The following ANKRD20A1 variants were observed in gnomAD, a reference collection of about 807,000 sequenced individuals.
ANKRD20A1 encodes the protein ankyrin repeat domain-containing protein 20A1.
In ANKRD20A1, 2 loss-of-function variants were observed where a neutral mutation model predicts 50.9. The observed-to-expected ratio is 0.04, with a 90% CI of 0.02 to 0.12. The LOEUF (loss-of-function observed/expected upper bound fraction) is 0.12, where lower values mean the gene tolerates loss of function less well. Among genes scored for constraint, ANKRD20A1 ranks in the 10% least tolerant of loss-of-function variants. The pLI is 1.00. For missense variants in ANKRD20A1, 31 were observed against 548.1 expected, an observed-to-expected ratio of 0.06 and a Z score of 9.42; for synonymous variants, 10 against 186.2, an observed-to-expected ratio of 0.05 and a Z score of 7.70.
intron 8 of ANKRD20A1, 82 bp from the exon 9 acceptor site, chr9:67,884,404 T>G: frequency 7.4e-7 from 1 of 1,355,766 alleles, no homozygotes; most frequent in Non-Finnish European, 1.0e-6. Context: ...AGACCCAGTT[T>G]CATAAAAAGA....
In ANKRD20A1 at chr9:67,884,613, G is replaced by A. The variant is rs191449257; in HGVS notation, c.979+43G>A. On this transcript the variant is annotated intron_variant, in intron 9 of 14. Coordinates refer to ENST00000562196, the MANE Select transcript of ANKRD20A1 (RefSeq NM_032250.5). The stretch of plus-strand genomic sequence containing the variant: ...TTTAAAAAGTCATCTGATGGAGGCC[G>A]GGTGCGGTGGCTCACGCCTGTAATC... The A allele has an allele frequency of 1.1e-5, 17 of 1,589,122 alleles. 1 individual carries two copies. The highest frequency in any genetic ancestry group is 6.8e-5 in the Admixed American group (4 of 58,880).
intron 8 of ANKRD20A1, among the ~76,000 whole-genome samples, chr9:67,882,787 C>A (rs1264229499): frequency 2.0e-5 from 3 of 147,766 alleles, no homozygotes; most frequent in African/African-American, 7.4e-5. Flanking sequence ...TCCCTCCCCC[C>A]TTGTCCGCCC....
chr9:67,871,431 G>T (rs201708244), intron 6 of ANKRD20A1, among the ~76,000 whole-genome samples: 64,377 of 124,232 alleles, frequency 0.52, 15,753 homozygotes, highest in East Asian at 0.74. Flanking sequence ...GAAGGTAGTT[G>T]TAGCTAATTT....
chr9:67,865,703 A>G (rs750220177), intron 3 of ANKRD20A1, among the ~76,000 whole-genome samples: 5,621 of 110,394 alleles, frequency 0.051, 274 homozygotes, highest in Middle Eastern at 0.11. Flanking sequence ...GCTGTGCAGA[A>G]GTTGCCCCTT....
chr9:67,882,823 TC>T (rs1365721745), intron 8 of ANKRD20A1, among the ~76,000 whole-genome samples: 1 of 149,936 alleles, frequency 6.7e-6, no homozygotes. Context: ...TGTGTGATGT[TC>T]CCCATCCTGT....
intron 11 of ANKRD20A1, among the ~76,000 whole-genome samples, chr9:67,892,580 CAGCT>C (rs1827956797): frequency 7.7e-6 from 1 of 129,046 alleles, no homozygotes; most frequent in Non-Finnish European, 1.7e-5. Flanking sequence ...TGGAGAAAGA[CAGCT>C]AGAATCAAGG....
chr9:67,872,455 G>A (rs200373723), intron 6 of ANKRD20A1, among the ~76,000 whole-genome samples: 9 of 107,470 alleles, frequency 8.4e-5, no homozygotes, highest in East Asian at 3.7e-4. Context: ...GGTGGATAGC[G>A]CATCCTACTG....
At chr9:67,882,880 T>C (rs1383571494) in intron 8 of ANKRD20A1, among the ~76,000 whole-genome samples, 2 of 150,494 alleles carry the variant, frequency 1.3e-5, no homozygotes, top group Non-Finnish European at 2.9e-5. Context: ...AGTGAGAACA[T>C]GCAGTGTTTG....
rs1002481347 is a variant in ANKRD20A1 at position 67,895,978 on chromosome 9, G to C, written c.1153-1581G>C. On this transcript the variant is annotated intron_variant, in intron 12 of 14. Coordinates refer to ENST00000562196, the MANE Select transcript of ANKRD20A1 (RefSeq NM_032250.5). The stretch of plus-strand genomic sequence containing the variant: ...TATCTAAATAATGGTTCTGGAGAAT[G>C]TTCTCATAATGTTTGTTCATTAATC... Among the ~76,000 whole-genome samples the C allele has an allele frequency of 2.9e-5, 2 of 68,030 alleles. 1 individual carries two copies. The highest frequency in any genetic ancestry group is 8.7e-5 in the African/African-American group (2 of 23,068). 44.6% of individuals were successfully genotyped at this position (68,030 alleles called of 152,430 possible). A position where few individuals can be genotyped will look rare whatever the true frequency, so the allele number is the denominator to read the frequency against.
intron 11 of ANKRD20A1, among the ~76,000 whole-genome samples, chr9:67,891,315 A>G (rs1383875583): frequency 8.6e-5 from 12 of 138,956 alleles, no homozygotes; most frequent in Non-Finnish European, 1.1e-4. Flanking sequence ...AACAACAACA[A>G]CAACAGCAAC....
chr9:67,880,985 G>T (rs1401301500), intron 8 of ANKRD20A1, among the ~76,000 whole-genome samples: 1 of 123,426 alleles, frequency 8.1e-6, no homozygotes, highest in Non-Finnish European at 1.7e-5. Flanking sequence ...GTGATTTTTA[G>T]TGGCAAGAAT....
chr9:67,881,005 A>G lies in ANKRD20A1; in HGVS notation c.894+460A>G, dbSNP rs1379369925. Among the ~76,000 whole-genome samples, 149 of 136,700 alleles carry G rather than the reference A, an allele frequency of 1.1e-3. 3 individuals carry two copies. The East Asian group carries it at 0.037, about 34-fold the overall frequency. The allele number at this position is 136,700 out of a possible 152,430, so 89.7% of individuals were successfully genotyped here. On this transcript the variant is annotated intron_variant, in intron 8 of 14. Transcript: ENST00000562196. ...TTTTAGTGGCAAGAATATTCAGCAC[A>G]TAGCATATAGCTTTTGTTCTTGGAA...
chr9:67,889,203 G>A (rs1393105761), intron 11 of ANKRD20A1, among the ~76,000 whole-genome samples: 33 of 91,210 alleles, frequency 3.6e-4, no homozygotes, highest in Non-Finnish European at 4.8e-4. Context: ...CTGATCTCAG[G>A]TGATCTGCCT....
chr9:67,885,499 G>A (rs867381786), intron 9 of ANKRD20A1, among the ~76,000 whole-genome samples: 2,211 of 149,418 alleles, frequency 0.015, no homozygotes, highest in Middle Eastern at 0.045. Context: ...TAACCTCATA[G>A]GATAGTATCA....
In ANKRD20A1 at chr9:67,859,226, G is replaced by A; in HGVS notation, c.-201G>A. The A allele has an allele frequency of 2.4e-6, 1 of 425,478 alleles. No homozygotes were observed. The highest frequency in any genetic ancestry group is 3.2e-6 in the Non-Finnish European group (1 of 313,836). The allele number at this position is 425,478 out of a possible 1,614,324, so 26.4% of individuals were successfully genotyped here. A position where few individuals can be genotyped will look rare whatever the true frequency, so the allele number is the denominator to read the frequency against. The stretch of plus-strand genomic sequence containing the variant: ...TGCGAGTGTCGCTGCTGAAGGCTGT[G>A]GTGGACCGGGCTGGATCGCGGATTG... On this transcript the variant is annotated 5_prime_UTR_variant, in exon 1 of 15. Coordinates refer to ENST00000562196, the MANE Select transcript of ANKRD20A1 (RefSeq NM_032250.5).
intron 9 of ANKRD20A1, among the ~76,000 whole-genome samples, chr9:67,885,563 T>C (rs1374475283): frequency 1.3e-5 from 2 of 152,304 alleles, no homozygotes; most frequent in South Asian, 2.1e-4. Flanking sequence ...GGAGAAGAAA[T>C]TAATTCGAGA....
intron 8 of ANKRD20A1, among the ~76,000 whole-genome samples, chr9:67,883,095 A>G (rs1827825935): frequency 6.6e-6 from 1 of 150,838 alleles, no homozygotes; most frequent in African/African-American, 2.4e-5. Context: ...CGCAGTAAAC[A>G]TACGTGTGCA....
At chr9:67,888,903 G>T (rs1367563126) in intron 11 of ANKRD20A1, among the ~76,000 whole-genome samples, 876 of 150,124 alleles carry the variant, frequency 5.8e-3, no homozygotes, top group Non-Finnish European at 9.7e-3. Flanking sequence ...CTGTCTCACG[G>T]TGTTGTGTAC....
chr9:67,891,330 A>G (rs1194310593), intron 11 of ANKRD20A1, among the ~76,000 whole-genome samples: 3 of 135,900 alleles, frequency 2.2e-5, no homozygotes, highest in East Asian at 2.6e-4. Flanking sequence ...AGCAACAGCA[A>G]CAACCACCAC....
Sources: gnomAD v4.1 joint callset for allele counts (sites outside exome capture counted in the v4.1 genomes callset) on GRCh38, gnomAD v4.1.1 for gene constraint, MANE v1.5 for transcripts, NCBI Gene and HGNC (gene_info 2026-07-23, HGNC 2026-07-21) for gene names.